PKHD1: variants seen among roughly 807,000 people sequenced by gnomAD.
PKHD1 encodes fibrocystin.
PKHD1 carries 291 observed loss-of-function variants against 412.0 expected under a neutral mutation model. The observed-to-expected ratio is 0.71, with a 90% CI of 0.64 to 0.78. The LOEUF (loss-of-function observed/expected upper bound fraction) is 0.78. PKHD1 is among the 30% of genes least tolerant of loss of function. The probability of loss-of-function intolerance (pLI) is 0.00; values close to 1 mark genes in which losing one functional copy is unlikely to be tolerated. For synonymous variants in PKHD1, 1,777 were observed against 1,821.5 expected, an observed-to-expected ratio of 0.98 and a Z score of 0.62; for missense variants, 4,825 against 4,950.7, an observed-to-expected ratio of 0.97 and a Z score of 0.76.
Position 52,033,131 on chromosome 6 carries a change from A to C in PKHD1, c.3263T>G (p.Ile1088Ser), listed in dbSNP as rs1239491580. 2 of 1,612,456 alleles carry C rather than the reference A, an allele frequency of 1.2e-6. No individual in the cohort carries two copies. The highest frequency in any genetic ancestry group is 2.2e-5 in the South Asian group (2 of 91,044). ...AAGAACTGCAGAATAGTCCCCTCTGATCACAGTCACATTCACAATGCGTCC... is the reference window on the plus strand; with the variant it reads ...AAGAACTGCAGAATAGTCCCCTCTGCTCACAGTCACATTCACAATGCGTCC... ...KDGRIVNVTV[I>S]RGDYSAVLPR... is the part of the protein sequence containing the mutation. Residue 1088 changes from isoleucine (I) to serine (S), a missense_variant, in exon 29 of 67, where the codon ATC becomes AGC. By Grantham distance (142) the Ile-to-Ser change is moderately radical. Coordinates refer to ENST00000371117, the MANE Select transcript of PKHD1 (RefSeq NM_138694.4).
chr6:51,821,832 G>A (rs1020636251), intron 52 of PKHD1, among the ~76,000 whole-genome samples: 4 of 152,166 alleles, frequency 2.6e-5, no homozygotes, highest in East Asian at 1.9e-4. Context: ...GATTACAGGC[G>A]CACACCACCA....
chr6:51,644,762 C>T (rs1246807609), intron 63 of PKHD1, among the ~76,000 whole-genome samples: 1 of 152,208 alleles, frequency 6.6e-6, no homozygotes, highest in Admixed American at 6.5e-5. Context: ...TCACTGCAAC[C>T]TCCACCTCCC....
chr6:51,739,810 A>G (rs1161868372), intron 60 of PKHD1, among the ~76,000 whole-genome samples: 2 of 152,068 alleles, frequency 1.3e-5, no homozygotes, highest in Non-Finnish European at 2.9e-5. Flanking sequence ...TGGCTGAGAA[A>G]TTGTTAAATT....
chr6:51,833,859 A>G (rs1768705451), intron 51 of PKHD1, among the ~76,000 whole-genome samples: 1 of 150,966 alleles, frequency 6.6e-6, no homozygotes, highest in Non-Finnish European at 1.5e-5. Context: ...ACAGCCTTTG[A>G]TCTGTCTTCT....
At chr6:51,806,664 G>A (rs1453834122) in intron 52 of PKHD1, among the ~76,000 whole-genome samples, 5 of 151,530 alleles carry the variant, frequency 3.3e-5, no homozygotes, top group Non-Finnish European at 7.4e-5. Flanking sequence ...AAGACAGAAT[G>A]AGAAGAATCG....
intron 61 of PKHD1, among the ~76,000 whole-genome samples, chr6:51,656,304 A>G (rs1176887919): frequency 3.3e-5 from 5 of 152,190 alleles, no homozygotes; most frequent in Non-Finnish European, 7.4e-5. Context: ...CAATACATGG[A>G]CACAGTGAGG....
intron 23 of PKHD1, among the ~76,000 whole-genome samples, chr6:52,047,618 C>T (rs1806070020): frequency 6.6e-6 from 1 of 152,180 alleles, no homozygotes; most frequent in African/African-American, 2.4e-5. Context: ...CCACTGAAAT[C>T]CTCCATAGTA....
intron 60 of PKHD1, among the ~76,000 whole-genome samples, chr6:51,675,897 T>C (rs1048771063): frequency 6.6e-6 from 1 of 152,196 alleles, no homozygotes; most frequent in Non-Finnish European, 1.5e-5. Context: ...GTTGTATTTG[T>C]GTGTGCATGT....
chr6:51,968,184 G>A (rs1379052128), intron 35 of PKHD1, among the ~76,000 whole-genome samples: 1 of 152,118 alleles, frequency 6.6e-6, no homozygotes, highest in Non-Finnish European at 1.5e-5. Flanking sequence ...TACTTCTAAT[G>A]TTTGGGCTAC....
intron 60 of PKHD1, among the ~76,000 whole-genome samples, chr6:51,692,592 C>A (rs889654619): frequency 6.6e-6 from 1 of 152,166 alleles, no homozygotes; most frequent in Non-Finnish European, 1.5e-5. Flanking sequence ...CCAGTCTACT[C>A]CTCCTTGAAC....
In PKHD1 at chr6:51,867,999, C is replaced by G. The variant is rs1246936197; in HGVS notation, c.7597G>C (p.Gly2533Arg). ...GCAAGAATGTGACTTCTGTTTTTCCCAGACAGAGACCCATCCAAGTCTTCC... is the reference window on the plus strand; with the variant it reads ...GCAAGAATGTGACTTCTGTTTTTCCGAGACAGAGACCCATCCAAGTCTTCC... ...ILEDLDGSLSGKNRSHILASM... is the reference protein window; with the variant it reads ...ILEDLDGSLSRKNRSHILASM... The change falls in exon 48 of 67, where the codon GGG becomes CGG. Residue 2533 changes from glycine to arginine, a missense_variant. By Grantham distance (125) the Gly-to-Arg change is moderately radical (BLOSUM62 -2). Transcript: ENST00000371117. The G allele has an allele frequency of 1.9e-6, 3 of 1,613,134 alleles. No individual in the cohort carries two copies. Among genetic ancestry groups the G allele is most frequent in the Non-Finnish European group, 2.5e-6 (3 of 1,179,210 alleles).
Position 51,638,949 on chromosome 6 carries a change from G to A in PKHD1, c.11406C>T (p.Thr3802=). ...CATAACCATCTTGAGTTTCTGCCTG[G>A]GTGCACCCTACAAAAAAGTACAAAA... ...GASDSVLKGC[T]QAETQDGYVS... is the part of the protein sequence containing the mutation. Residue 3802 remains threonine (T), a synonymous_variant, in exon 64 of 67, where the codon ACC becomes ACT. Coordinates refer to ENST00000371117, the MANE Select transcript of PKHD1 (RefSeq NM_138694.4). 6.2e-7 allele frequency: 1 copy of A among 1,611,488 alleles called. No individual in the cohort carries two copies. The highest frequency in any genetic ancestry group is 8.5e-7 in the Non-Finnish European group (1 of 1,177,728).
Position 51,644,661 on chromosome 6 carries a change from G to T in PKHD1, c.11398+3370C>A, listed in dbSNP as rs80133638. On this transcript the variant is annotated intron_variant, in intron 63 of 66. Coordinates refer to ENST00000371117, the MANE Select transcript of PKHD1 (RefSeq NM_138694.4). ...AGAAATGCCCTACCTGATTCATGAG[G>T]TGCACAGGAAATTGGATAAGCTGAT... Among the ~76,000 whole-genome samples the T allele has an allele frequency of 5.4e-3, 826 of 152,146 alleles. 7 individuals carry two copies. The highest frequency in any genetic ancestry group is 0.019 in the African/African-American group (780 of 41,462).
At chr6:51,749,431 C>A (rs1304105646) in intron 57 of PKHD1, among the ~76,000 whole-genome samples, 2 of 151,992 alleles carry the variant, frequency 1.3e-5, no homozygotes, top group Non-Finnish European at 2.9e-5. Flanking sequence ...ATAAAATACA[C>A]CCAGTAAGTT....
chr6:51,621,514 G>C (rs767804217), intron 66 of PKHD1, among the ~76,000 whole-genome samples: 1 of 152,156 alleles, frequency 6.6e-6, no homozygotes, highest in African/African-American at 2.4e-5. Flanking sequence ...GTTTTTGAGA[G>C]ACCTTCATTG....
In PKHD1 at chr6:51,647,909, T is replaced by C. The variant is rs2580009; in HGVS notation, c.11398+122A>G. On this transcript the variant is annotated intron_variant, in intron 63 of 66. Coordinates refer to ENST00000371117, the MANE Select transcript of PKHD1 (RefSeq NM_138694.4). ...TGTAGATTAGGGATGAAGGAGTTTC[T>C]TCCCAAATTACTGAAGAAATTCAGT... The C allele has an allele frequency of 0.4, 284,245 of 716,232 alleles. 56,856 individuals carry two copies. The highest frequency in any genetic ancestry group is 0.44 in the East Asian group (17,439 of 39,236). 44.4% of individuals were successfully genotyped at this position (716,232 alleles called of 1,614,324 possible). A position where few individuals can be genotyped will look rare whatever the true frequency, so the allele number is the denominator to read the frequency against.
In PKHD1 at chr6:51,627,547, C is replaced by T. The variant is rs553764564; in HGVS notation, c.11666-431G>A. The stretch of plus-strand genomic sequence containing the variant: ...GCATATGTGGCTCATGTTATACTTC[C>T]GTAGGACAGAACTGATTAGCTAGTG... On this transcript the variant is annotated intron_variant, in intron 65 of 66. Coordinates refer to ENST00000371117, the MANE Select transcript of PKHD1 (RefSeq NM_138694.4). Among the ~76,000 whole-genome samples the T allele has an allele frequency of 2.6e-5, 4 of 151,990 alleles. No individual in the cohort carries two copies. In the South Asian group the frequency reaches 6.2e-4, roughly 24 times the overall value.
At chr6:51,791,826 T>C (rs778341886) in intron 52 of PKHD1, among the ~76,000 whole-genome samples, 1 of 152,228 alleles carries the variant, frequency 6.6e-6, no homozygotes, top group Non-Finnish European at 1.5e-5. Context: ...TATCTCTCTG[T>C]GCCTCGGTTA....
At chr6:51,707,919 C>A (rs1253595993) in intron 60 of PKHD1, among the ~76,000 whole-genome samples, 1 of 152,072 alleles carries the variant, frequency 6.6e-6, no homozygotes, top group Non-Finnish European at 1.5e-5. Flanking sequence ...TTTGTGAGAT[C>A]GTCCTTGTCT....
Sources: allele counts gnomAD v4.1 joint callset (sites outside exome capture counted in the v4.1 genomes callset), GRCh38; gene constraint gnomAD v4.1.1; transcripts MANE v1.5; gene names NCBI Gene and HGNC (gene_info 2026-07-23, HGNC 2026-07-21).